OGDHL: variants seen among roughly 807,000 people sequenced by gnomAD.
The protein encoded by OGDHL is oxoglutarate dehydrogenase L, also known as 2-oxoglutarate dehydrogenase-like, mitochondrial.
Under a neutral mutation model 109.6 loss-of-function variants are expected in OGDHL, and 79 were observed. That is an observed-to-expected ratio of 0.72 (90% CI 0.60 to 0.87). OGDHL has a LOEUF of 0.87. Among genes scored for constraint, OGDHL ranks in the 40% least tolerant of loss-of-function variants. The pLI is 0.00. For synonymous variants in OGDHL, 528 were observed against 537.2 expected, an observed-to-expected ratio of 0.98 and a Z score of 0.24; for missense variants, 1,275 against 1,362.2, an observed-to-expected ratio of 0.94 and a Z score of 1.01.
intron 1 of OGDHL, among the ~76,000 whole-genome samples, chr10:49,760,224 G>C (rs1298160133): frequency 1.3e-5 from 2 of 152,242 alleles, no homozygotes; most frequent in Non-Finnish European, 2.9e-5. Flanking sequence ...GGGAGCCTCT[G>C]AGTGCCCCCA....
rs765089079 is a variant in OGDHL, at chr10:49,750,822, C to T, written c.896+17G>A. Reference sequence around the variant, plus strand: ...CTGGAGGAGAATGCGCAAGGCACAGCAGGGAGGGGGACCCACCTGTGTGGC... The same window carrying T: ...CTGGAGGAGAATGCGCAAGGCACAGTAGGGAGGGGGACCCACCTGTGTGGC... On this transcript the variant is annotated intron_variant, in intron 7 of 22. Transcript: ENST00000374103. 3 of 1,601,068 alleles carry T rather than the reference C, an allele frequency of 1.9e-6. No homozygotes were observed. In the African/African-American group the frequency reaches 4.0e-5, roughly 21 times the overall value.
chr10:49,752,163 G>C lies in OGDHL; in HGVS notation c.564C>G (p.Leu188=), dbSNP rs1258184. The change falls in exon 5 of 23, where the codon CTC becomes CTG. Residue 188 remains leucine (L), a synonymous_variant. Coordinates refer to ENST00000374103, the MANE Select transcript of OGDHL (RefSeq NM_018245.3). ...TTFIGGSENT[L]SLREIIRRLE... Reference sequence around the variant, plus strand: ...GGCGCCGAATGATCTCCCGCAGAGAGAGGGTGTTTTCAGAGCCCCCAATGA... The same window carrying C: ...GGCGCCGAATGATCTCCCGCAGAGACAGGGTGTTTTCAGAGCCCCCAATGA... The C allele has an allele frequency of 3.7e-6, 6 of 1,613,762 alleles. No homozygotes were observed. The highest frequency in any genetic ancestry group is 1.6e-4 in the Middle Eastern group (1 of 6,062).
chr10:49,746,695 T>G (rs1360086566), intron 10 of OGDHL, 55 bp downstream of exon 10: 4 of 1,601,172 alleles, frequency 2.5e-6, no homozygotes, highest in Non-Finnish European at 3.4e-6. Flanking sequence ...AGCTACTGCC[T>G]GGATTTCCAG....
chr10:49,736,485 C>A lies in OGDHL; in HGVS notation c.2626G>T (p.Ala876Ser). ...ACCTGCTCAGGGGCCCGTGCTGCGG[C>A]CCCATCTTCAGGAATCACCCGCTGG... is the stretch of plus-strand genomic sequence containing the variant. The part of the protein sequence containing the change: ...SFQRVIPEDG[A>S]AARAPEQVQR... Residue 876 changes from alanine (A) to serine (S), a missense_variant, in exon 21 of 23, where the codon GCC (alanine) becomes TCC (serine). By Grantham distance (99) the Ala-to-Ser change is moderately conservative. Coordinates refer to ENST00000374103, the MANE Select transcript of OGDHL (RefSeq NM_018245.3). 1 of 1,613,718 alleles carries A rather than the reference C, an allele frequency of 6.2e-7. No homozygotes were observed. The highest frequency in any genetic ancestry group is 8.5e-7 in the Non-Finnish European group (1 of 1,180,002).
chr10:49,752,988 G>T (rs1393450479), intron 3 of OGDHL, among the ~76,000 whole-genome samples: 4 of 152,248 alleles, frequency 2.6e-5, no homozygotes, highest in African/African-American at 9.6e-5. Context: ...TATGCACAAA[G>T]GTGTTCACTG....
chr10:49,737,995 G>A lies in OGDHL; in HGVS notation c.2469C>T (p.Asn823=). The A allele has an allele frequency of 1.2e-6, 2 of 1,614,240 alleles. No homozygotes were observed. The highest frequency in any genetic ancestry group is 1.7e-6 in the Non-Finnish European group (2 of 1,180,048). ...WIVVNCSTPA[N]YFHVLRRQIL... is the part of the protein sequence containing the mutation. ...TCTGCCGGCGCAGCACGTGGAAGTAGTTGGCCGGTGTGGAGCAGTTGACCA... is the reference window on the plus strand; with the variant it reads ...TCTGCCGGCGCAGCACGTGGAAGTAATTGGCCGGTGTGGAGCAGTTGACCA... The change falls in exon 19 of 23, where the codon AAC becomes AAT. Residue 823 remains asparagine, a synonymous_variant. Transcript: ENST00000374103.
At position 49,758,528 on chromosome 10, in the gene OGDHL, T is replaced by C. The variant is rs1290737837; in HGVS notation, c.65A>G (p.His22Arg). The C allele has an allele frequency of 8.1e-6, 13 of 1,613,790 alleles. No individual in the cohort carries two copies. The highest frequency in any genetic ancestry group is 5.0e-5 in the Admixed American group (3 of 60,004). Residue 22 changes from histidine to arginine, a missense_variant, in exon 2 of 23, where the codon CAT becomes CGT. By Grantham distance (29) the His-to-Arg change is conservative. Coordinates refer to ENST00000374103, the MANE Select transcript of OGDHL (RefSeq NM_018245.3). ...GVQAARLLAA[H>R]DVPVFGWRSR... ...GCGCCAGCCAAACACCGGGACGTCA[T>C]GTGCAGCCAGGAGCCTCGCAGCCTG...
At chr10:49,747,255 G>GATAC in intron 8 of OGDHL, 47 bp from the exon 9 acceptor site, 1 of 1,591,966 alleles carries the variant, frequency 6.3e-7, no homozygotes, top group East Asian at 2.2e-5. Context: ...TCCCACATCA[G>GATAC]ACAGGCAGAT....
Position 49,756,915 on chromosome 10 carries a change from T to C in OGDHL, c.236A>G (p.Glu79Gly), listed in dbSNP as rs779252943. 2.5e-6 allele frequency: 4 copies of C among 1,613,766 alleles called. No homozygotes were observed. The East Asian group carries it at 8.9e-5, about 36-fold the overall frequency. ...SWDSFFREAS[E>G]EAFSGSAQPR... Reference sequence around the variant, plus strand: ...CTGAGCAGAGCCAGAAAAGGCTTCCTCGCTGGCTTCCCTGAAGAAGCTGTC... The same window carrying C: ...CTGAGCAGAGCCAGAAAAGGCTTCCCCGCTGGCTTCCCTGAAGAAGCTGTC... The change falls in exon 3 of 23, where the codon GAG becomes GGG. Residue 79 changes from glutamate (E) to glycine (G), a missense_variant. Physicochemically the swap from Glu to Gly is moderately conservative, Grantham distance 98. Transcript: ENST00000374103.
chr10:49,761,309 G>A (rs1002239974), intron 1 of OGDHL, among the ~76,000 whole-genome samples: 1 of 152,120 alleles, frequency 6.6e-6, no homozygotes, highest in African/African-American at 2.4e-5. Context: ...CCAGAAAACT[G>A]CCGACACCAT....
rs769046876 is a variant in OGDHL, at chr10:49,758,333, G to A, written c.204+56C>T. ...TCTCCCCACTGCCCTGCCACAGCCC[G>A]GCCCCCGAGGGCTTCCCTCCCTTGC... On this transcript the variant is annotated intron_variant, in intron 2 of 22. Coordinates refer to ENST00000374103, the MANE Select transcript of OGDHL (RefSeq NM_018245.3). 4.0e-5 allele frequency: 61 copies of A among 1,534,850 alleles called. No individual in the cohort carries two copies. The South Asian group carries it at 4.3e-4, about 11-fold the overall frequency.
At chr10:49,742,124 A>AC (rs1841747618) in intron 15 of OGDHL, among the ~76,000 whole-genome samples, 1 of 131,184 alleles carries the variant, frequency 7.6e-6, no homozygotes, top group South Asian at 3.0e-4. Flanking sequence ...ACACATACAC[A>AC]CCCTACACAC....
chr10:49,758,778 T>C (rs2132271317), intron 1 of OGDHL, 185 bp from the exon 2 acceptor site: 1 of 632,746 alleles, frequency 1.6e-6, no homozygotes, highest in South Asian at 1.9e-5. Context: ...TGGTGGAAGC[T>C]CCCAGCTCAG....
intron 13 of OGDHL, 67 bp downstream of exon 13, chr10:49,744,583 G>A (rs1842038760): frequency 7.8e-7 from 1 of 1,277,480 alleles, no homozygotes; most frequent in Non-Finnish European, 1.1e-6. Context: ...GGCCATTCCA[G>A]TCCTGATCCC....
At chr10:49,754,572 C>CA (rs1267993393) in intron 3 of OGDHL, among the ~76,000 whole-genome samples, 1 of 151,978 alleles carries the variant, frequency 6.6e-6, no homozygotes, top group East Asian at 1.9e-4. Flanking sequence ...ATTGGCATAT[C>CA]ACCATTTTTG....
chr10:49,758,021 T>C (rs1463910269), intron 2 of OGDHL, among the ~76,000 whole-genome samples: 1 of 152,234 alleles, frequency 6.6e-6, no homozygotes, highest in Non-Finnish European at 1.5e-5. Context: ...CCCTCCCATC[T>C]AATTTAATTT....
In OGDHL at chr10:49,745,963, T is replaced by C. The variant is rs751010987; in HGVS notation, c.1311A>G (p.Thr437=). Residue 437 remains threonine (T), a synonymous_variant, in exon 11 of 23, where the codon ACA becomes ACG. Transcript: ENST00000374103. ...VVVNNQIGFT[T]DPRMARSSPY... is the part of the protein sequence containing the mutation. ...GTGAGGAGCGGGCCATTCGGGGGTC[T>C]GTGGTGAATCCAATCTGCAGAGGCA... 4.3e-6 allele frequency: 7 copies of C among 1,614,066 alleles called. No homozygotes were observed. The South Asian group carries it at 6.6e-5, about 15-fold the overall frequency.
rs764878898 is a variant in OGDHL, at chr10:49,744,685, A to G, written c.1697T>C (p.Leu566Pro). The G allele has an allele frequency of 6.2e-7, 1 of 1,614,070 alleles. No individual in the cohort carries two copies. The highest frequency in any genetic ancestry group is 1.3e-5 in the African/African-American group (1 of 74,920). ...GGAGTCCAACCAGTGCTTTATATGCAGAATCTTTTTATCCTTGGACCTGCC... is the reference window on the plus strand; with the variant it reads ...GGAGTCCAACCAGTGCTTTATATGCGGAATCTTTTTATCCTTGGACCTGCC... The part of the protein sequence containing the change: ...AYGRSKDKKI[L>P]HIKHWLDSPW... The change falls in exon 13 of 23, where the codon CTG (leucine) becomes CCG (proline). Residue 566 changes from leucine to proline, a missense_variant. Coordinates refer to ENST00000374103, the MANE Select transcript of OGDHL (RefSeq NM_018245.3).
chr10:49,752,094 G>C (rs891965263), intron 5 of OGDHL, 39 bp downstream of exon 5: 9 of 1,609,016 alleles, frequency 5.6e-6, no homozygotes, highest in Non-Finnish European at 7.7e-6. Flanking sequence ...GCTCCAAAGA[G>C]CTGCTTCAGC....
Sources: gnomAD v4.1 joint callset for allele counts (sites outside exome capture counted in the v4.1 genomes callset) on GRCh38, gnomAD v4.1.1 for gene constraint, MANE v1.5 for transcripts, NCBI Gene and HGNC (gene_info 2026-07-23, HGNC 2026-07-21) for gene names.